The following SPAG17 variants were observed in gnomAD, a reference collection of about 807,000 sequenced individuals.
The protein encoded by SPAG17 is sperm associated antigen 17.
Under a neutral mutation model 273.6 loss-of-function variants are expected in SPAG17, and 169 were observed. The observed-to-expected ratio is 0.62, with a 90% CI of 0.55 to 0.70. The LOEUF (loss-of-function observed/expected upper bound fraction) is 0.70. Ranked by LOEUF, SPAG17 falls within the 30% of genes least tolerant of loss-of-function variation. The probability of loss-of-function intolerance (pLI) is 0.00; values close to 1 mark genes in which losing one functional copy is unlikely to be tolerated. For missense variants in SPAG17, 2,557 were observed against 2,627.8 expected (o/e 0.97, Z 0.59); for synonymous variants, 825 against 873.2 (o/e 0.94, Z 0.97).
intron 5 of SPAG17, 80 bp from the exon 6 acceptor site, chr1:118,099,880 A>G: frequency 1.7e-6 from 2 of 1,187,082 alleles, no homozygotes; most frequent in South Asian, 2.9e-5. Context: ...ATGGCTATAT[A>G]CATTATGCAT....
intron 3 of SPAG17, among the ~76,000 whole-genome samples, chr1:118,137,784 G>T (rs1163546223): frequency 6.6e-6 from 1 of 152,046 alleles, no homozygotes; most frequent in Non-Finnish European, 1.5e-5. Flanking sequence ...CCTATAATAT[G>T]CACAGTACCT....
At chr1:118,149,783 T>C (rs1659271754) in intron 3 of SPAG17, among the ~76,000 whole-genome samples, 1 of 152,248 alleles carries the variant, frequency 6.6e-6, no homozygotes. Flanking sequence ...CAAAACTCTT[T>C]ATGTTTTAGG....
At chr1:118,167,137 T>C (rs1660206900) in intron 1 of SPAG17, among the ~76,000 whole-genome samples, 1 of 152,224 alleles carries the variant, frequency 6.6e-6, no homozygotes, top group Non-Finnish European at 1.5e-5. Flanking sequence ...TGATACATGA[T>C]GTTCTTTAAG....
intron 24 of SPAG17, among the ~76,000 whole-genome samples, chr1:118,036,017 A>T (rs1177378732): frequency 6.6e-5 from 10 of 152,022 alleles, no homozygotes; most frequent in Non-Finnish European, 1.5e-4. Flanking sequence ...ACATAGTAAG[A>T]CTTCATCTCT....
chr1:118,038,478 G>A (rs1264576559), intron 23 of SPAG17, among the ~76,000 whole-genome samples: 1 of 152,116 alleles, frequency 6.6e-6, no homozygotes, highest in East Asian at 1.9e-4. Context: ...ACGAATATTT[G>A]TAGCACCTTT....
chr1:118,061,128 A>G (rs182087729), intron 18 of SPAG17, among the ~76,000 whole-genome samples: 50 of 152,322 alleles, frequency 3.3e-4, no homozygotes, highest in South Asian at 8.3e-4. Flanking sequence ...TGCAGCCACT[A>G]TGGAAAATAC....
rs149477539 is a variant in SPAG17 at position 118,177,019 on chromosome 1, A to G, written c.87+8052T>C. Among the ~76,000 whole-genome samples the G allele has an allele frequency of 2.6e-5, 4 of 152,304 alleles. No homozygotes were observed. The East Asian group carries it at 7.7e-4, about 29-fold the overall frequency. ...AAACAAATGAAAATGGAAAAACAAC[A>G]TACTGAAATCTATGGAATACAGCAA... On this transcript the variant is annotated intron_variant, in intron 1 of 48. Coordinates refer to ENST00000336338, the MANE Select transcript of SPAG17 (RefSeq NM_206996.4).
chr1:118,173,308 A>T (rs1237345441), intron 1 of SPAG17, among the ~76,000 whole-genome samples: 1 of 152,096 alleles, frequency 6.6e-6, no homozygotes, highest in Non-Finnish European at 1.5e-5. Flanking sequence ...GGTATCATGG[A>T]TGGGAGAAAG....
At chr1:118,000,848 C>T (rs1005537577) in intron 32 of SPAG17, among the ~76,000 whole-genome samples, 2 of 152,146 alleles carry the variant, frequency 1.3e-5, no homozygotes, top group African/African-American at 4.8e-5. Flanking sequence ...GCCAGAACTT[C>T]TGACACTATG....
At chr1:118,059,000 T>C (rs1651996997) in intron 18 of SPAG17, among the ~76,000 whole-genome samples, 1 of 152,080 alleles carries the variant, frequency 6.6e-6, no homozygotes, top group African/African-American at 2.4e-5. Flanking sequence ...TATGAACACA[T>C]CCTTCTCATA....
At chr1:118,103,600 G>A (rs1000452584) in intron 4 of SPAG17, among the ~76,000 whole-genome samples, 1 of 152,096 alleles carries the variant, frequency 6.6e-6, no homozygotes, top group Non-Finnish European at 1.5e-5. Flanking sequence ...AATGGGGCTC[G>A]GCTCTGCCCC....
At position 117,987,822 on chromosome 1, in the gene SPAG17, G is replaced by C. The variant is rs1225637055; in HGVS notation, c.5669+12C>G. The C allele has an allele frequency of 1.9e-6, 3 of 1,613,470 alleles. No individual in the cohort carries two copies. In the African/African-American group the frequency reaches 4.0e-5, roughly 22 times the overall value. The stretch of plus-strand genomic sequence containing the variant: ...CTTTCAGGTCCTTATGTGCGTTTTG[G>C]GGTATAATTACCTCGTTTTGTCTAT... On this transcript the variant is annotated intron_variant, in intron 40 of 48. Transcript: ENST00000336338.
intron 34 of SPAG17, among the ~76,000 whole-genome samples, chr1:117,995,020 C>T (rs1657505035): frequency 1.3e-5 from 2 of 152,118 alleles, no homozygotes; most frequent in Non-Finnish European, 2.9e-5. Flanking sequence ...AAAAGATGGT[C>T]CTTAACATTC....
chr1:118,128,036 C>T (rs751605712), intron 3 of SPAG17, among the ~76,000 whole-genome samples: 35 of 151,906 alleles, frequency 2.3e-4, no homozygotes, highest in Non-Finnish European at 4.3e-4. Flanking sequence ...GCAGGAGAAT[C>T]GCTTGAATCC....
At chr1:118,048,167 T>C (rs1248413751) in intron 20 of SPAG17, among the ~76,000 whole-genome samples, 1 of 152,072 alleles carries the variant, frequency 6.6e-6, no homozygotes, top group Non-Finnish European at 1.5e-5. Context: ...TCCATGCCCA[T>C]CCTTGTGGAC....
At chr1:118,154,977 T>C (rs1659575464) in intron 1 of SPAG17, among the ~76,000 whole-genome samples, 1 of 151,952 alleles carries the variant, frequency 6.6e-6, no homozygotes, top group South Asian at 2.1e-4. Flanking sequence ...AGGAAGAGGG[T>C]CTGGGTCTGT....
At chr1:118,169,994 T>G (rs1413761622) in intron 1 of SPAG17, among the ~76,000 whole-genome samples, 1 of 152,224 alleles carries the variant, frequency 6.6e-6, no homozygotes, top group Non-Finnish European at 1.5e-5. Flanking sequence ...GGTTGGCAGA[T>G]GAAATATCTC....
intron 1 of SPAG17, among the ~76,000 whole-genome samples, chr1:118,165,547 A>C (rs1660125553): frequency 6.6e-6 from 1 of 151,972 alleles, no homozygotes; most frequent in South Asian, 2.1e-4. Context: ...CCAAATTCAT[A>C]AGATATGCAT....
chr1:118,092,267 G>A (rs994662408), intron 8 of SPAG17, among the ~76,000 whole-genome samples: 1 of 152,188 alleles, frequency 6.6e-6, no homozygotes, highest in East Asian at 1.9e-4. Flanking sequence ...GGGGCACTGA[G>A]CATCAAACAG....
Sources: gnomAD v4.1 joint callset for allele counts (sites outside exome capture counted in the v4.1 genomes callset) on GRCh38, gnomAD v4.1.1 for gene constraint, MANE v1.5 for transcripts, NCBI Gene and HGNC (gene_info 2026-07-23, HGNC 2026-07-21) for gene names.